The following CARNMT1 variants were observed in gnomAD, a reference collection of about 807,000 sequenced individuals.
The protein encoded by CARNMT1 is protein-L-histidine N-pros-methyltransferase CARNMT1.
Under a neutral mutation model 49.6 loss-of-function variants are expected in CARNMT1, and 28 were observed. The observed-to-expected ratio is 0.56, with a 90% CI of 0.42 to 0.77. CARNMT1 has a LOEUF of 0.77. Among genes scored for constraint, CARNMT1 ranks in the 30% least tolerant of loss-of-function variants. The pLI is 0.00. For missense variants in CARNMT1, 421 were observed against 512.6 expected (o/e 0.82, Z 1.73); for synonymous variants, 178 against 175.0 (o/e 1.02, Z -0.13).
intron 5 of CARNMT1, among the ~76,000 whole-genome samples, chr9:74,998,314 T>A (rs1178815655): frequency 2.0e-5 from 3 of 152,170 alleles, no homozygotes; most frequent in Admixed American, 6.5e-5. Context: ...ACTAATAACC[T>A]TTCATTTTTT....
intron 3 of CARNMT1, among the ~76,000 whole-genome samples, chr9:75,014,655 T>C (rs1021078556): frequency 6.6e-6 from 1 of 152,162 alleles, no homozygotes; most frequent in Non-Finnish European, 1.5e-5. Flanking sequence ...ATATAATTCA[T>C]GCAATTTATC....
chr9:75,010,050 T>TA (rs1350146331), intron 3 of CARNMT1: 25 of 148,838 alleles, frequency 1.7e-4, no homozygotes, highest in Non-Finnish European at 1.2e-4. Flanking sequence ...AGAAATTTTT[T>TA]AAAAAATCAA....
chr9:74,993,357 G>A (rs1348609022), intron 6 of CARNMT1, among the ~76,000 whole-genome samples: 1 of 152,208 alleles, frequency 6.6e-6, no homozygotes, highest in Non-Finnish European at 1.5e-5. Context: ...ACTGGCACTT[G>A]AGGTCAGAGA....
chr9:75,028,350 G>A, upstream of CARNMT1: 2 of 1,304,066 alleles, frequency 1.5e-6, no homozygotes, highest in Non-Finnish European at 1.9e-6. Flanking sequence ...CATGCCCCCA[G>A]CTCGCGGCGC....
chr9:75,006,644 C>T (rs903547476), intron 3 of CARNMT1, among the ~76,000 whole-genome samples: 7 of 152,108 alleles, frequency 4.6e-5, no homozygotes, highest in African/African-American at 1.7e-4. Context: ...AACTGGGTAA[C>T]TGAGGAACAG....
In CARNMT1 at chr9:75,005,827, AACACACACACACACACACAC is replaced by A. The variant is rs10569961; in HGVS notation, c.591-5977_591-5958del. The stretch of plus-strand genomic sequence containing the variant: ...TAGAAAAGGCCTTCAGTGAAATTAA[AACACACACACACACACACAC>A]ACACACACACACACACACACACACA... On this transcript the variant is annotated intron_variant, in intron 3 of 7. Coordinates refer to ENST00000376834, the MANE Select transcript of CARNMT1 (RefSeq NM_152420.3). 4.8e-4 allele frequency among the ~76,000 whole-genome samples: 65 copies of A among 135,808 alleles called. 1 individual carries two copies. Among genetic ancestry groups the A allele is most frequent in the East Asian group, 2.2e-3 (10 of 4,544 alleles). 89.1% of individuals were successfully genotyped at this position (135,808 alleles called of 152,430 possible).
At chr9:74,997,633 C>T (rs1224363398) in intron 5 of CARNMT1, among the ~76,000 whole-genome samples, 1 of 152,064 alleles carries the variant, frequency 6.6e-6, no homozygotes, top group Non-Finnish European at 1.5e-5. Context: ...CTTCAAATAT[C>T]TCAGTGGTTT....
In CARNMT1 at chr9:74,983,431, T is replaced by C. The variant is rs1293452724; in HGVS notation, c.*336A>G. On this transcript the variant is annotated 3_prime_UTR_variant, in exon 8 of 8. Transcript: ENST00000376834. ...TTATGTACTTCAATACTATTAGTCA[T>C]TAATTCGGCAGACTTGCAATGGACA... The C allele has an allele frequency of 3.4e-5, 6 of 178,890 alleles. No homozygotes were observed. Among genetic ancestry groups the C allele is most frequent in the Non-Finnish European group, 7.0e-5 (6 of 85,896 alleles). The allele number at this position is 178,890 out of a possible 1,614,324, so 11.1% of individuals were successfully genotyped here.
At position 75,027,061 on chromosome 9, in the gene CARNMT1, G is replaced by C. The variant is rs923397515; in HGVS notation, c.230+951C>G. The stretch of plus-strand genomic sequence containing the variant: ...TATGGGAACAGGTTTACCTGCGTAG[G>C]AGGTCATGTCTGTCTGATTCCAACT... On this transcript the variant is annotated intron_variant, in intron 1 of 7. Transcript: ENST00000376834. The C allele has an allele frequency of 2.3e-6, 3 of 1,303,780 alleles. No individual in the cohort carries two copies. In the African/African-American group the frequency reaches 4.6e-5, roughly 20 times the overall value. The allele number at this position is 1,303,780 out of a possible 1,614,324, so 80.8% of individuals were successfully genotyped here. A position where few individuals can be genotyped will look rare whatever the true frequency, so the allele number is the denominator to read the frequency against.
At chr9:75,007,724 GTC>G (rs1833552950) in intron 3 of CARNMT1, among the ~76,000 whole-genome samples, 1 of 114,140 alleles carries the variant, frequency 8.8e-6, no homozygotes. Context: ...GCGAGACCCT[GTC>G]TCAAAAAAAT....
chr9:74,984,501 G>A (rs1052239414), intron 7 of CARNMT1, among the ~76,000 whole-genome samples: 2 of 152,098 alleles, frequency 1.3e-5, no homozygotes, highest in South Asian at 2.1e-4. Flanking sequence ...AATCTGAAAC[G>A]CTTCAAAATC....
Position 75,028,073 on chromosome 9 carries a change from C to T in CARNMT1, c.169G>A (p.Glu57Lys). The part of the protein sequence containing the change: ...AAAATRSTEE[E>K]EERLEREHFW... ...TGCTCACGCTCAAGCCTCTCCTCCT[C>T]CTCCTCGGTGCTGCGCGTGGCCGCC... The change falls in exon 1 of 8, where the codon GAG (glutamate) becomes AAG (lysine). Residue 57 changes from glutamate (E) to lysine (K), a missense_variant. This residue lies in a region of CARNMT1 where 186 missense variants were observed against 167.9 expected (regional missense o/e 1.11). Coordinates refer to ENST00000376834, the MANE Select transcript of CARNMT1 (RefSeq NM_152420.3). 1.9e-6 allele frequency: 3 copies of T among 1,576,696 alleles called. No homozygotes were observed. Among genetic ancestry groups the T allele is most frequent in the Non-Finnish European group, 2.6e-6 (3 of 1,163,734 alleles).
chr9:75,028,188 G>A lies in CARNMT1; in HGVS notation c.54C>T (p.Cys18=). The A allele has an allele frequency of 4.7e-6, 7 of 1,504,974 alleles. No individual in the cohort carries two copies. Among genetic ancestry groups the A allele is most frequent in the Non-Finnish European group, 6.2e-6 (7 of 1,127,286 alleles). The allele number at this position is 1,504,974 out of a possible 1,614,324, so 93.2% of individuals were successfully genotyped here. The change falls in exon 1 of 8, where the codon TGC becomes TGT. Residue 18 remains cysteine (C), a synonymous_variant. Coordinates refer to ENST00000376834, the MANE Select transcript of CARNMT1 (RefSeq NM_152420.3). ...CCTCGCTGCCACCGCCTCCTCCCCCGCAGCCCTCGGGCAGCCGGGAGGTGG... is the reference window on the plus strand; with the variant it reads ...CCTCGCTGCCACCGCCTCCTCCCCCACAGCCCTCGGGCAGCCGGGAGGTGG... ...PPPTSRLPEG[C]GGGGGGSEEV... is the part of the protein sequence containing the mutation.
intron 4 of CARNMT1, among the ~76,000 whole-genome samples, chr9:74,999,403 G>A (rs1455887825): frequency 2.6e-5 from 4 of 152,156 alleles, no homozygotes; most frequent in East Asian, 3.8e-4. Flanking sequence ...AAACAAGGAA[G>A]TAAAGAAGCT....
rs890464249 is a variant in CARNMT1 at position 74,984,933 on chromosome 9, C to T, written c.1102G>A (p.Val368Ile). 6.2e-7 allele frequency: 1 copy of T among 1,613,632 alleles called. No homozygotes were observed. The highest frequency in any genetic ancestry group is 1.1e-5 in the South Asian group (1 of 91,062). Reference sequence around the variant, plus strand: ...TCTACCTTGAATCCATACTGCAGAACAACGTTTTTTATATCCTCATAGCTC... The same window carrying T: ...TCTACCTTGAATCCATACTGCAGAATAACGTTTTTTATATCCTCATAGCTC... ...ELSYEDIKNVVLQYGFKVEVE... is the reference protein window; with the variant it reads ...ELSYEDIKNVILQYGFKVEVE... Residue 368 changes from valine to isoleucine, a missense_variant, in exon 7 of 8, where the codon GTT becomes ATT. Physicochemically the swap from Val to Ile is conservative, Grantham distance 29. Transcript: ENST00000376834.
intron 6 of CARNMT1, among the ~76,000 whole-genome samples, chr9:74,988,996 A>G (rs1359412295): frequency 1.3e-5 from 2 of 152,272 alleles, no homozygotes; most frequent in South Asian, 2.1e-4. Context: ...TAAGTAAGCA[A>G]ATTTAAAAAC....
intron 3 of CARNMT1, among the ~76,000 whole-genome samples, chr9:75,005,866 AC>A (rs1833494136): frequency 5.4e-5 from 8 of 148,724 alleles, no homozygotes; most frequent in Non-Finnish European, 8.9e-5. Flanking sequence ...ACACACACAC[AC>A]ACACACAATA....
At chr9:75,017,921 A>G (rs566419841) in intron 1 of CARNMT1, among the ~76,000 whole-genome samples, 2 of 152,296 alleles carry the variant, frequency 1.3e-5, no homozygotes, top group African/African-American at 4.8e-5. Context: ...CAAATTACTA[A>G]GCAAATAAAA....
intron 1 of CARNMT1, among the ~76,000 whole-genome samples, chr9:75,022,213 C>CTTTTTTTT (rs35783706): frequency 1.3e-5 from 1 of 76,968 alleles, no homozygotes; most frequent in South Asian, 5.2e-4. Flanking sequence ...AGAAGGAATA[C>CTTTTTTTT]TTTTTTTTTT....
Sources: gnomAD v4.1 joint callset for allele counts (sites outside exome capture counted in the v4.1 genomes callset) on GRCh38, gnomAD v4.1.1 for gene constraint, gnomAD v4.1.1 regional missense constraint, MANE v1.5 for transcripts, NCBI Gene and HGNC (gene_info 2026-07-23, HGNC 2026-07-21) for gene names.